The following TNRC6C variants were observed in gnomAD, a reference collection of about 807,000 sequenced individuals.
TNRC6C encodes the protein trinucleotide repeat containing adaptor 6C.
TNRC6C carries 20 observed loss-of-function variants against 153.7 expected under a neutral mutation model. The ratio of observed to expected loss-of-function variants is 0.13; its 90% CI spans 0.09 to 0.19. The LOEUF is 0.19. TNRC6C is among the 10% of genes least tolerant of loss of function. The pLI is 1.00. For synonymous variants in TNRC6C, 811 were observed against 841.4 expected (o/e 0.96, Z 0.63); for missense variants, 1,987 against 2,172.0 (o/e 0.91, Z 1.69).
chr17:77,976,062 GAAT>G (rs2070993240), intron 1 of TNRC6C, among the ~76,000 whole-genome samples: 1 of 152,124 alleles, frequency 6.6e-6, no homozygotes, highest in South Asian at 2.1e-4. Flanking sequence ...TAGAAGAAAT[GAAT>G]AATAATATAT....
chr17:78,006,835 T>A (rs956316883), intron 1 of TNRC6C, among the ~76,000 whole-genome samples: 11 of 150,062 alleles, frequency 7.3e-5, no homozygotes, highest in African/African-American at 2.0e-4. Flanking sequence ...TTTATTTTTT[T>A]TTTTTTTGAG....
At chr17:78,068,089 A>G (rs1418033764) in intron 5 of TNRC6C, among the ~76,000 whole-genome samples, 166 bp downstream of exon 7, 2 of 152,194 alleles carry the variant, frequency 1.3e-5, no homozygotes, top group Non-Finnish European at 2.9e-5. Flanking sequence ...CAAGGTCACA[A>G]CTATTATCAT....
chr17:77,970,075 C>T (rs1033935341), intron 1 of TNRC6C, among the ~76,000 whole-genome samples: 2 of 152,206 alleles, frequency 1.3e-5, no homozygotes, highest in Non-Finnish European at 2.9e-5. Context: ...AAAGCAATTT[C>T]CCTCACTTGA....
chr17:78,020,059 A>G (rs2071803015), intron 1 of TNRC6C, among the ~76,000 whole-genome samples: 1 of 152,234 alleles, frequency 6.6e-6, no homozygotes, highest in African/African-American at 2.4e-5. Context: ...CAAAGATCCA[A>G]AAATTACTGG....
chr17:77,969,578 A>G (rs1174446108), intron 1 of TNRC6C, among the ~76,000 whole-genome samples: 2 of 151,996 alleles, frequency 1.3e-5, no homozygotes, highest in Non-Finnish European at 2.9e-5. Context: ...AATCTGAGAG[A>G]TCTTTGGGAC....
intron 1 of TNRC6C, among the ~76,000 whole-genome samples, chr17:77,978,043 C>G (rs2071026162): frequency 6.6e-6 from 1 of 151,820 alleles, no homozygotes; most frequent in African/African-American, 2.4e-5. Flanking sequence ...CTACAGGCGC[C>G]CGCCACCACG....
chr17:78,019,054 G>A (rs2071783819), intron 1 of TNRC6C, among the ~76,000 whole-genome samples: 1 of 152,196 alleles, frequency 6.6e-6, no homozygotes, highest in South Asian at 2.1e-4. Flanking sequence ...AGGTTGGGAT[G>A]ATACAGAAGT....
chr17:78,021,020 ACGG>A (rs1461166897), intron 1 of TNRC6C, among the ~76,000 whole-genome samples: 10 of 152,196 alleles, frequency 6.6e-5, no homozygotes, highest in Non-Finnish European at 1.3e-4. Context: ...GTGCCTTCCT[ACGG>A]CAACCAACAC....
exon 3 of TNRC6C, chr17:78,050,481 C>T: frequency 6.2e-7 from 1 of 1,613,980 alleles, no homozygotes; most frequent in African/African-American, 1.3e-5. Context: ...GGAAAAATGA[C>T]AATGGGACAG....
chr17:77,978,349 C>T (rs1468516185), intron 1 of TNRC6C, among the ~76,000 whole-genome samples: 1 of 152,202 alleles, frequency 6.6e-6, no homozygotes, highest in Non-Finnish European at 1.5e-5. Flanking sequence ...AAGATTATCT[C>T]ACTTGCTACC....
chr17:78,028,575 T>C (rs2071992455), intron 1 of TNRC6C, among the ~76,000 whole-genome samples: 1 of 152,176 alleles, frequency 6.6e-6, no homozygotes, highest in Non-Finnish European at 1.5e-5. Flanking sequence ...TGGAGGATAC[T>C]GGTAGTGTGG....
intron 15 of TNRC6C, 55 bp downstream of exon 17, chr17:78,093,179 C>A: frequency 6.4e-7 from 1 of 1,564,304 alleles, no homozygotes. Flanking sequence ...GTGCTCCAAG[C>A]CTGCAGAGAG....
At chr17:78,004,710 T>A (rs1446253614), upstream of TNRC6C, among the ~76,000 whole-genome samples, 1 of 152,234 alleles carries the variant, frequency 6.6e-6, no homozygotes, top group Non-Finnish European at 1.5e-5. Flanking sequence ...ATAGTCAAGC[T>A]TGAATTTTAT....
At chr17:78,050,741 G>A (rs981715672) in exon 3 of TNRC6C, 1 of 1,591,100 alleles carries the variant, frequency 6.3e-7, no homozygotes, top group Non-Finnish European at 8.6e-7. Flanking sequence ...GCTTGGAGTG[G>A]GGCCGCAAAT....
chr17:78,071,428 T>C (rs1248431886), intron 6 of TNRC6C, among the ~76,000 whole-genome samples: 1 of 152,184 alleles, frequency 6.6e-6, no homozygotes, highest in Non-Finnish European at 1.5e-5. Flanking sequence ...AAATGCTTTT[T>C]TTTTTTGGAG....
At chr17:78,077,219 C>T (rs1287636358) in exon 9 of TNRC6C, 3 of 1,602,388 alleles carry the variant, frequency 1.9e-6, no homozygotes, top group Non-Finnish European at 8.5e-7. Context: ...ACGCCTTCAC[C>T]GTTCTTGCCT....
At position 78,026,058 on chromosome 17, in the gene TNRC6C, G is replaced by A. The variant is rs114842402; in HGVS notation, c.-545-5458G>A. Among the ~76,000 whole-genome samples, 1,400 of 151,968 alleles carry A rather than the reference G, an allele frequency of 9.2e-3. 24 individuals are homozygous for A. The highest frequency in any genetic ancestry group is 0.032 in the African/African-American group (1,334 of 41,242). On this transcript the variant is annotated intron_variant, in intron 1 of 19. Coordinates refer to ENST00000301624, the Ensembl canonical transcript of TNRC6C. ...GATCATATATATTATTAGTGGAAGT[G>A]AATCCAAGTTTTTGAGGTCTCTAGC...
In TNRC6C at chr17:78,086,513, G is replaced by A. The variant is rs774328161; in HGVS notation, c.3488G>A (p.Arg1163His). The A allele has an allele frequency of 6.8e-6, 11 of 1,613,606 alleles. No individual in the cohort carries two copies. The highest frequency in any genetic ancestry group is 3.3e-5 in the South Asian group (3 of 91,054). The change falls in exon 12 of 20, where the codon CGT (arginine) becomes CAT (histidine). Residue 1163 changes from arginine to histidine, a missense_variant. This residue lies in a region of TNRC6C where 765 missense variants were observed against 908.6 expected (regional missense o/e 0.84). Transcript: ENST00000301624. ...TCGTTCTGTCAACAGGCATACCAACGTTTACAAATCCAGCAGCAGATGTTA... is the reference window on the plus strand; with the variant it reads ...TCGTTCTGTCAACAGGCATACCAACATTTACAAATCCAGCAGCAGATGTTA...
intron 9 of TNRC6C, among the ~76,000 whole-genome samples, chr17:78,078,736 G>A (rs149469626): frequency 1.5e-4 from 23 of 152,006 alleles, no homozygotes; most frequent in African/African-American, 5.3e-4. Context: ...AGGCTGAGGT[G>A]AGTGGATCCC....
Sources: allele counts gnomAD v4.1 joint callset (sites outside exome capture counted in the v4.1 genomes callset), GRCh38; gene constraint gnomAD v4.1.1; regional missense constraint gnomAD v4.1.1; transcripts MANE v1.5; gene names NCBI Gene and HGNC (gene_info 2026-07-23, HGNC 2026-07-21).